HCN1: variants seen among roughly 807,000 people sequenced by gnomAD.
HCN1 encodes the protein hyperpolarization activated cyclic nucleotide gated potassium channel 1, also known as potassium/sodium hyperpolarization-activated cyclic nucleotide-gated channel 1.
A neutral mutation model predicts 78.9 loss-of-function variants in HCN1; 13 were observed. The ratio of observed to expected loss-of-function variants is 0.16; its 90% CI spans 0.11 to 0.26. The LOEUF is 0.26. Ranked by LOEUF, HCN1 falls within the 10% of genes least tolerant of loss-of-function variation. The pLI, the probability that HCN1 is intolerant of heterozygous loss-of-function variation, is 1.00. For synonymous variants in HCN1, 552 were observed against 455.5 expected (o/e 1.21, Z -2.70); for missense variants, 810 against 1,154.3 (o/e 0.70, Z 4.32).
chr5:45,413,629 G>A (rs1740065817), intron 3 of HCN1, among the ~76,000 whole-genome samples: 1 of 152,048 alleles, frequency 6.6e-6, no homozygotes, highest in African/African-American at 2.4e-5. Context: ...AAAACTTTCA[G>A]AGGTAGAAAT....
chr5:45,336,556 A>G (rs879059815), intron 5 of HCN1, among the ~76,000 whole-genome samples: 1 of 152,054 alleles, frequency 6.6e-6, no homozygotes, highest in Admixed American at 6.6e-5. Flanking sequence ...GTGTCTCAAT[A>G]TTTAGGTTTG....
intron 4 of HCN1, among the ~76,000 whole-genome samples, chr5:45,386,223 T>A (rs1416502876): frequency 6.6e-5 from 10 of 151,174 alleles, no homozygotes. Flanking sequence ...TCTCCCATGC[T>A]GGAGTTCAGT....
chr5:45,542,139 CAT>C (rs936284757), intron 2 of HCN1, among the ~76,000 whole-genome samples: 3 of 152,134 alleles, frequency 2.0e-5, no homozygotes, highest in East Asian at 1.9e-4. Context: ...GAAAAAATAA[CAT>C]GTCATTAAAT....
Position 45,262,751 on chromosome 5 carries a change from T to C in HCN1, c.1843A>G (p.Asn615Asp), listed in dbSNP as rs1478627115. The change falls in exon 8 of 8, where the codon AAC (asparagine) becomes GAC (aspartate). Residue 615 changes from asparagine to aspartate, a missense_variant. Physicochemically the swap from Asn to Asp is conservative, Grantham distance 23. Around this residue, in one of 6 missense-constraint regions of HCN1, gnomAD observed 398 missense variants for 381.3 expected, o/e 1.04. Transcript: ENST00000303230. ...TTGAGGATTTCGTTCTCCTGATTGTTGAAAACACCAGTGTTCAGATCCTTC... is the reference window on the plus strand; with the variant it reads ...TTGAGGATTTCGTTCTCCTGATTGTCGAAAACACCAGTGTTCAGATCCTTC... ...FQKDLNTGVF[N>D]NQENEILKQI... is the part of the protein sequence containing the mutation. 1 of 1,614,148 alleles carries C rather than the reference T, an allele frequency of 6.2e-7. No homozygotes were observed. Among genetic ancestry groups the C allele is most frequent in the South Asian group, 1.1e-5 (1 of 91,078 alleles).
At position 45,510,184 on chromosome 5, in the gene HCN1, T is replaced by C. The variant is rs1216717887; in HGVS notation, c.850-48177A>G. On this transcript the variant is annotated intron_variant, in intron 2 of 7. Transcript: ENST00000303230. ...TTGTAGGAGGTTCTCCAGAAGCATA[T>C]ATGAAGGAGTGACTAACACCATATA... Among the ~76,000 whole-genome samples, 3 of 152,204 alleles carry C rather than the reference T, an allele frequency of 2.0e-5. No homozygotes were observed. In the East Asian group the frequency reaches 5.8e-4, roughly 29 times the overall value.
At chr5:45,295,960 C>A (rs1457169772) in intron 6 of HCN1, among the ~76,000 whole-genome samples, 2 of 151,926 alleles carry the variant, frequency 1.3e-5, no homozygotes, top group African/African-American at 4.8e-5. Flanking sequence ...ACATTATCTT[C>A]TTTGATGTCT....
intron 2 of HCN1, among the ~76,000 whole-genome samples, chr5:45,481,545 G>C (rs1002046516): frequency 3.3e-5 from 5 of 152,212 alleles, no homozygotes; most frequent in Non-Finnish European, 7.3e-5. Flanking sequence ...GTTGTGGTTA[G>C]ACTAGTGACT....
At chr5:45,401,786 T>G (rs528724561) in intron 3 of HCN1, among the ~76,000 whole-genome samples, 4 of 152,162 alleles carry the variant, frequency 2.6e-5, no homozygotes, top group African/African-American at 9.6e-5. Flanking sequence ...ATCTCTTTTA[T>G]TATATATTGT....
chr5:45,521,548 T>A (rs950386474), intron 2 of HCN1, among the ~76,000 whole-genome samples: 4 of 151,982 alleles, frequency 2.6e-5, no homozygotes, highest in African/African-American at 9.7e-5. Context: ...CCTTCTTTCA[T>A]CTGTGTCTTT....
At chr5:45,304,314 G>A (rs1390117445) in intron 5 of HCN1, among the ~76,000 whole-genome samples, 1 of 150,026 alleles carries the variant, frequency 6.7e-6, no homozygotes, top group Admixed American at 6.6e-5. Context: ...TTTTTTGTTA[G>A]TGTCATTCAC....
intron 6 of HCN1, among the ~76,000 whole-genome samples, chr5:45,269,512 T>C (rs1159070095): frequency 2.0e-5 from 3 of 152,300 alleles, no homozygotes; most frequent in East Asian, 3.9e-4. Flanking sequence ...CATTTAAAGA[T>C]AAAAAACTCT....
chr5:45,682,735 G>C (rs1377115573), intron 1 of HCN1, among the ~76,000 whole-genome samples: 1 of 151,920 alleles, frequency 6.6e-6, no homozygotes, highest in Non-Finnish European at 1.5e-5. Context: ...CATTAAGTAT[G>C]ATAAATTGTG....
intron 3 of HCN1, among the ~76,000 whole-genome samples, chr5:45,432,407 T>C (rs1740481285): frequency 6.6e-6 from 1 of 152,114 alleles, no homozygotes; most frequent in Non-Finnish European, 1.5e-5. Flanking sequence ...CTCTTCCCAT[T>C]TGGATGCTTT....
chr5:45,597,817 G>A (rs969243415), intron 2 of HCN1, among the ~76,000 whole-genome samples: 6 of 152,234 alleles, frequency 3.9e-5, no homozygotes, highest in African/African-American at 1.4e-4. Context: ...ATTCACAACT[G>A]CTACAAAGAG....
At chr5:45,489,602 A>G (rs1741838247) in intron 2 of HCN1, among the ~76,000 whole-genome samples, 1 of 152,088 alleles carries the variant, frequency 6.6e-6, no homozygotes. Context: ...ACTGAACCTT[A>G]GCTTCTCGTT....
At chr5:45,425,043 T>C (rs2112071230) in intron 3 of HCN1, among the ~76,000 whole-genome samples, 1 of 152,312 alleles carries the variant, frequency 6.6e-6, no homozygotes, top group Non-Finnish European at 1.5e-5. Context: ...ATGGCATCGA[T>C]GTTTTATTAC....
At chr5:45,583,519 A>G (rs1231048987) in intron 2 of HCN1, among the ~76,000 whole-genome samples, 1 of 151,704 alleles carries the variant, frequency 6.6e-6, no homozygotes, top group African/African-American at 2.4e-5. Flanking sequence ...TTGTGTCTCT[A>G]TTTTCTTCAG....
chr5:45,402,675 G>A (rs1231914519), intron 3 of HCN1, among the ~76,000 whole-genome samples: 1 of 152,166 alleles, frequency 6.6e-6, no homozygotes, highest in African/African-American at 2.4e-5. Flanking sequence ...TGAGAAGACA[G>A]TATCTACAGA....
intron 3 of HCN1, among the ~76,000 whole-genome samples, chr5:45,399,971 T>G: frequency 6.6e-6 from 1 of 152,276 alleles, no homozygotes; most frequent in Middle Eastern, 3.4e-3. Flanking sequence ...ATACTTTACT[T>G]TATCAGTGAA....
Sources: allele counts gnomAD v4.1 joint callset (sites outside exome capture counted in the v4.1 genomes callset), GRCh38; gene constraint gnomAD v4.1.1; regional missense constraint gnomAD v4.1.1; transcripts MANE v1.5; gene names NCBI Gene and HGNC (gene_info 2026-07-23, HGNC 2026-07-21).